The following OSBPL1A variants were observed in gnomAD, a reference collection of about 807,000 sequenced individuals.
OSBPL1A encodes oxysterol binding protein like 1A.
In OSBPL1A, 80 loss-of-function variants were observed where a neutral mutation model predicts 137.1. The observed-to-expected ratio is 0.58, with a 90% CI of 0.49 to 0.70. The LOEUF (loss-of-function observed/expected upper bound fraction) is 0.70. Ranked by LOEUF, OSBPL1A falls within the 30% of genes least tolerant of loss-of-function variation. The pLI, the probability that OSBPL1A is intolerant of heterozygous loss-of-function variation, is 0.00. For missense variants in OSBPL1A, 970 were observed against 1,129.4 expected, an observed-to-expected ratio of 0.86 and a Z score of 2.02; for synonymous variants, 365 against 389.7, an observed-to-expected ratio of 0.94 and a Z score of 0.75.
At chr18:24,227,414 A>C (rs985962411) in intron 16 of OSBPL1A, among the ~76,000 whole-genome samples, 6 of 152,034 alleles carry the variant, frequency 3.9e-5, no homozygotes, top group Non-Finnish European at 5.9e-5. Flanking sequence ...ATGCTAAGAC[A>C]AAAAAAACCC....
At chr18:24,217,175 A>G (rs1471755759) in intron 17 of OSBPL1A, among the ~76,000 whole-genome samples, 1 of 152,106 alleles carries the variant, frequency 6.6e-6, no homozygotes, top group African/African-American at 2.4e-5. Flanking sequence ...TTACCTTTGT[A>G]GGATGCTAGG....
In OSBPL1A at chr18:24,333,103, T is replaced by G. The variant is rs1467862872; in HGVS notation, c.481-17A>C. The G allele has an allele frequency of 6.2e-7, 1 of 1,611,796 alleles. No individual in the cohort carries two copies. The highest frequency in any genetic ancestry group is 8.5e-7 in the Non-Finnish European group (1 of 1,178,344). The stretch of plus-strand genomic sequence containing the variant: ...CCTGTTGAGCTAACAATTAAAAAAA[T>G]GCAATGCAGAATTATATATCAAAGA... On this transcript the variant is annotated splice_polypyrimidine_tract_variant and intron_variant, in intron 6 of 27. Transcript: ENST00000319481.
At chr18:24,238,170 C>G (rs1262965869) in intron 16 of OSBPL1A, among the ~76,000 whole-genome samples, 2 of 152,158 alleles carry the variant, frequency 1.3e-5, no homozygotes, top group East Asian at 1.9e-4. Flanking sequence ...TACCTCTCAC[C>G]ATGCTTCCTC....
intron 15 of OSBPL1A, among the ~76,000 whole-genome samples, chr18:24,242,494 C>T (rs921479340): frequency 1.8e-4 from 28 of 152,086 alleles, no homozygotes; most frequent in African/African-American, 6.3e-4. Context: ...TACCTCTTGA[C>T]ACTCCCTCTC....
intron 15 of OSBPL1A, among the ~76,000 whole-genome samples, chr18:24,268,579 G>A (rs1052226832): frequency 5.3e-5 from 8 of 151,142 alleles, no homozygotes; most frequent in Non-Finnish European, 7.4e-5. Context: ...AGATTCCAAT[G>A]ACCACCTGGC....
intron 7 of OSBPL1A, 70 bp from the exon 8 acceptor site, chr18:24,318,879 C>A: frequency 7.9e-7 from 1 of 1,260,648 alleles, no homozygotes; most frequent in South Asian, 1.3e-5. Flanking sequence ...GCTGTAACTG[C>A]AGCATCTAAT....
chr18:24,234,965 C>A (rs2088413647), intron 16 of OSBPL1A, among the ~76,000 whole-genome samples: 1 of 152,018 alleles, frequency 6.6e-6, no homozygotes, highest in African/African-American at 2.4e-5. Context: ...GCATCTGAGG[C>A]CTGGAGGAGG....
chr18:24,192,750 A>G (rs369138938), intron 18 of OSBPL1A, among the ~76,000 whole-genome samples: 9 of 152,358 alleles, frequency 5.9e-5, no homozygotes, highest in South Asian at 4.1e-4. Flanking sequence ...TTTCCTTCCT[A>G]AGACAGAGTG....
At chr18:24,379,519 CAA>C (rs1401150889) in intron 1 of OSBPL1A, among the ~76,000 whole-genome samples, 18 of 81,618 alleles carry the variant, frequency 2.2e-4, no homozygotes, top group Admixed American at 3.9e-4. Context: ...GACTTGGTCT[CAA>C]AAAAAAAAAA....
At chr18:24,372,223 C>T (rs1209027878) in intron 2 of OSBPL1A, among the ~76,000 whole-genome samples, 1 of 149,848 alleles carries the variant, frequency 6.7e-6, no homozygotes, top group Non-Finnish European at 1.5e-5. Flanking sequence ...TGCAGTAAGC[C>T]ATGATCACAC....
chr18:24,191,219 T>G (rs2086881958), intron 18 of OSBPL1A, among the ~76,000 whole-genome samples: 1 of 152,248 alleles, frequency 6.6e-6, no homozygotes, highest in Admixed American at 6.5e-5. Flanking sequence ...AAGTTGTGTT[T>G]TTAGTAACAC....
intron 4 of OSBPL1A, among the ~76,000 whole-genome samples, chr18:24,354,697 T>A (rs553324671): frequency 7.9e-6 from 1 of 125,912 alleles, no homozygotes; most frequent in Non-Finnish European, 1.6e-5. Context: ...GAGCACCCAA[T>A]AGCTGTATAA....
chr18:24,397,099 G>T (rs1907799001), intron 1 of OSBPL1A, among the ~76,000 whole-genome samples: 1 of 152,192 alleles, frequency 6.6e-6, no homozygotes, highest in Non-Finnish European at 1.5e-5. Flanking sequence ...AATGCCTCCT[G>T]CCAATCATTA....
At chr18:24,203,664 C>T (rs139671812) in intron 17 of OSBPL1A, among the ~76,000 whole-genome samples, 28 of 152,300 alleles carry the variant, frequency 1.8e-4, no homozygotes, top group Non-Finnish European at 2.5e-4. Flanking sequence ...ACTCTACCAC[C>T]CTATAATCCA....
Position 24,314,329 on chromosome 18 carries a change from A to C in OSBPL1A, c.889T>G (p.Cys297Gly), listed in dbSNP as rs749144621. Residue 297 changes from cysteine (C) to glycine (G), a missense_variant, in exon 12 of 28, where the codon TGC becomes GGC. Physicochemically the swap from Cys to Gly is radical, Grantham distance 159. Around this residue, in one of 2 missense-constraint regions of OSBPL1A, gnomAD observed 647 missense variants for 672.6 expected, o/e 0.96. Coordinates refer to ENST00000319481, the MANE Select transcript of OSBPL1A (RefSeq NM_080597.4). ...TCAAAGCATTTAATAAAGAAGAGGC[A>C]GCTATCAGTGGATTTTACCTTGGAT... is the stretch of plus-strand genomic sequence containing the variant. ...AVCTVKSTDS[C>G]LFFIKCFDDT... 1 of 1,608,836 alleles carries C rather than the reference A, an allele frequency of 6.2e-7. No individual in the cohort carries two copies. The highest frequency in any genetic ancestry group is 2.2e-5 in the East Asian group (1 of 44,740).
intron 1 of OSBPL1A, among the ~76,000 whole-genome samples, chr18:24,390,816 T>C (rs898016115): frequency 2.2e-4 from 34 of 151,808 alleles, no homozygotes; most frequent in African/African-American, 7.7e-4. Context: ...AGGTAACTTT[T>C]TGGCCAGGTG....
At chr18:24,292,973 GCTC>G in intron 14 of OSBPL1A, among the ~76,000 whole-genome samples, 1 of 151,884 alleles carries the variant, frequency 6.6e-6, no homozygotes, top group South Asian at 2.1e-4. Flanking sequence ...GGGTGTGGTG[GCTC>G]GCGCCTGTGG....
At chr18:24,201,759 T>C (rs990831349) in intron 17 of OSBPL1A, among the ~76,000 whole-genome samples, 5 of 150,608 alleles carry the variant, frequency 3.3e-5, no homozygotes, top group Non-Finnish European at 7.4e-5. Flanking sequence ...CAAGAGTCCA[T>C]TAAAAAAAAA....
chr18:24,261,977 T>A (rs1296195903), intron 15 of OSBPL1A, among the ~76,000 whole-genome samples: 1 of 152,260 alleles, frequency 6.6e-6, no homozygotes, highest in African/African-American at 2.4e-5. Context: ...CACACTCATG[T>A]GTATAAGCTA....
Sources: gnomAD v4.1 joint callset for allele counts (sites outside exome capture counted in the v4.1 genomes callset) on GRCh38, gnomAD v4.1.1 for gene constraint, gnomAD v4.1.1 regional missense constraint, MANE v1.5 for transcripts, NCBI Gene and HGNC (gene_info 2026-07-23, HGNC 2026-07-21) for gene names.